The following PDE1A variants were observed in gnomAD, a reference collection of about 807,000 sequenced individuals.
PDE1A encodes the protein dual specificity calcium/calmodulin-dependent 3',5'-cyclic nucleotide phosphodiesterase 1A.
In PDE1A, 35 loss-of-function variants were observed where a neutral mutation model predicts 61.7. The observed-to-expected ratio is 0.57, with a 90% CI of 0.43 to 0.75. The LOEUF (loss-of-function observed/expected upper bound fraction) is 0.75. PDE1A is among the 30% of genes least tolerant of loss of function. PDE1A has a pLI of 0.00. For synonymous variants in PDE1A, 232 were observed against 213.2 expected, an observed-to-expected ratio of 1.09 and a Z score of -0.77; for missense variants, 597 against 630.6, an observed-to-expected ratio of 0.95 and a Z score of 0.57.
intron 2 of PDE1A, among the ~76,000 whole-genome samples, chr2:182,246,389 TTTTTCTTTTTTCTTTC>T (rs1249206383): frequency 9.3e-5 from 10 of 107,774 alleles, no homozygotes; most frequent in African/African-American, 4.0e-4. Context: ...ACTATAGTCT[TTTTTCTTTTTTCTTTC>T]TTTTTTTTTT....
At chr2:182,402,182 T>A (rs1702040697) in intron 1 of PDE1A, among the ~76,000 whole-genome samples, 1 of 152,112 alleles carries the variant, frequency 6.6e-6, no homozygotes, top group South Asian at 2.1e-4. Flanking sequence ...TACTTTAAAT[T>A]TCATATGGAC....
At chr2:182,343,851 A>G (rs991356958) in intron 1 of PDE1A, among the ~76,000 whole-genome samples, 6 of 145,314 alleles carry the variant, frequency 4.1e-5, no homozygotes. Context: ...ATACATAGTA[A>G]TCTCTTAATC....
rs147267782 is a variant in PDE1A, at chr2:182,184,345, C to T, written c.1516+1547G>A. On this transcript the variant is annotated intron_variant, in intron 13 of 13. Transcript: ENST00000351439. ...AGAAAACAGAAAGAAAAAGATAATA[C>T]TCAGTACATACAAGGAAGCAACAAT... is the stretch of plus-strand genomic sequence containing the variant. Among the ~76,000 whole-genome samples the T allele has an allele frequency of 1.8e-4, 27 of 151,412 alleles. No homozygotes were observed. The East Asian group carries it at 5.0e-3, about 28-fold the overall frequency.
chr2:182,322,802 T>A (rs1696784082), intron 1 of PDE1A, among the ~76,000 whole-genome samples: 1 of 152,218 alleles, frequency 6.6e-6, no homozygotes, highest in Non-Finnish European at 1.5e-5. Flanking sequence ...GAAACTATAT[T>A]CTTTTTATTT....
At chr2:182,235,867 T>G (rs892271498) in intron 3 of PDE1A, among the ~76,000 whole-genome samples, 1 of 152,216 alleles carries the variant, frequency 6.6e-6, no homozygotes, top group African/African-American at 2.4e-5. Flanking sequence ...GATACTAAAT[T>G]TTTTGATTCA....
intron 1 of PDE1A, among the ~76,000 whole-genome samples, chr2:182,309,413 G>A (rs1206732065): frequency 6.6e-6 from 1 of 151,732 alleles, no homozygotes. Context: ...CAAAACTTAA[G>A]GCATCTCCAT....
chr2:182,598,491 G>A, the PDE1A span, among the ~76,000 whole-genome samples: 25 of 151,572 alleles, frequency 1.6e-4, no homozygotes, highest in African/African-American at 5.8e-4. Context: ...AGAATCACTT[G>A]AATCTGGGAG....
chr2:182,239,188 A>G (rs543805220), intron 3 of PDE1A, among the ~76,000 whole-genome samples: 1 of 152,326 alleles, frequency 6.6e-6, no homozygotes, highest in South Asian at 2.1e-4. Flanking sequence ...CAAGTTTGTA[A>G]TATTGATTAA....
downstream of PDE1A, among the ~76,000 whole-genome samples, chr2:182,146,779 C>T (rs994724877): frequency 3.9e-5 from 6 of 151,988 alleles, no homozygotes; most frequent in Non-Finnish European, 7.3e-5. Flanking sequence ...CCACTGTGCC[C>T]GGCCATTTTT....
At chr2:182,528,807 T>C in the PDE1A span, among the ~76,000 whole-genome samples, 1 of 152,346 alleles carries the variant, frequency 6.6e-6, no homozygotes, top group Non-Finnish European at 1.5e-5. Flanking sequence ...GCTCAGGCCA[T>C]GGCTTCAGAG....
intron 2 of PDE1A, chr2:182,241,913 A>T: frequency 6.5e-7 from 1 of 1,530,956 alleles, no homozygotes; most frequent in Non-Finnish European, 8.7e-7. Context: ...CTTTTTGCCC[A>T]TTTGAAATTA....
the PDE1A span, among the ~76,000 whole-genome samples, chr2:182,542,258 C>T: frequency 3.9e-5 from 6 of 151,926 alleles, no homozygotes; most frequent in African/African-American, 7.3e-5. Context: ...ATATATTCTG[C>T]GAATTTTCTA....
chr2:182,557,749 T>TA, the PDE1A span, among the ~76,000 whole-genome samples: 1 of 151,636 alleles, frequency 6.6e-6, no homozygotes, highest in Non-Finnish European at 1.5e-5. Flanking sequence ...ATAAATAAAA[T>TA]AAAAAAGTCT....
intron 1 of PDE1A, among the ~76,000 whole-genome samples, chr2:182,270,725 A>G (rs962924215): frequency 2.6e-4 from 40 of 151,272 alleles, no homozygotes; most frequent in Non-Finnish European, 5.0e-4. Context: ...TACCTATAAT[A>G]TATATTAATA....
At chr2:182,590,681 T>C in the PDE1A span, among the ~76,000 whole-genome samples, 19 of 152,200 alleles carry the variant, frequency 1.2e-4, no homozygotes. Context: ...TTTGTACTTA[T>C]AGATGTTCTA....
rs202096938 is a variant in PDE1A at position 182,186,483 on chromosome 2, G to A, written c.1313C>T (p.Ser438Phe). The A allele has an allele frequency of 9.9e-6, 16 of 1,612,430 alleles. No individual in the cohort carries two copies. Among genetic ancestry groups the A allele is most frequent in the Non-Finnish European group, 1.4e-5 (16 of 1,179,656 alleles). The change falls in exon 12 of 14, where the codon TCC becomes TTC. Residue 438 changes from serine to phenylalanine, a missense_variant. Ser to Phe is a radical substitution (Grantham distance 155, BLOSUM62 -2). Coordinates refer to ENST00000351439, the Ensembl canonical transcript of PDE1A. The stretch of plus-strand genomic sequence containing the variant: ...AATATCATACCTGCTTGCCACATAG[G>A]AAGAAGTTTCGGCTTTTGAGGCTTC...
chr2:182,180,863 C>T (rs1684702464), intron 13 of PDE1A, among the ~76,000 whole-genome samples: 2 of 151,646 alleles, frequency 1.3e-5, no homozygotes, highest in Admixed American at 1.3e-4. Flanking sequence ...ATCCTTTCTT[C>T]TGCTTGATTT....
At chr2:182,488,212 CA>C (rs1232474175) in intron 2 of PDE1A, among the ~76,000 whole-genome samples, 4 of 152,110 alleles carry the variant, frequency 2.6e-5, no homozygotes, top group Admixed American at 6.6e-5. Context: ...GTACAATTCA[CA>C]ATTTGTAATC....
intron 7 of PDE1A, among the ~76,000 whole-genome samples, chr2:182,217,815 TTGG>T (rs1688335601): frequency 6.6e-6 from 1 of 151,380 alleles, no homozygotes; most frequent in Admixed American, 6.6e-5. Flanking sequence ...TTTTACACTG[TTGG>T]TGGGACTGTA....
Sources: gnomAD v4.1 joint callset for allele counts (sites outside exome capture counted in the v4.1 genomes callset) on GRCh38, gnomAD v4.1.1 for gene constraint, MANE v1.5 for transcripts, NCBI Gene and HGNC (gene_info 2026-07-23, HGNC 2026-07-21) for gene names.